PLA2G4D: variants seen among roughly 807,000 people sequenced by gnomAD.
The protein encoded by PLA2G4D is cytosolic phospholipase A2 delta.
A neutral mutation model predicts 94.4 loss-of-function variants in PLA2G4D; 80 were observed. That is an observed-to-expected ratio of 0.85 (90% CI 0.71 to 1.02). PLA2G4D has a LOEUF of 1.02. Among genes scored for constraint, PLA2G4D ranks in the 50% least tolerant of loss-of-function variants. The pLI, the probability that PLA2G4D is intolerant of heterozygous loss-of-function variation, is 0.00. For missense variants in PLA2G4D, 1,050 were observed against 1,034.7 expected (o/e 1.01, Z -0.20); for synonymous variants, 438 against 440.9 (o/e 0.99, Z 0.08).
Position 42,068,653 on chromosome 15 carries a change from G to A in PLA2G4D, c.*62C>T, listed in dbSNP as rs781763935. 5.4e-6 allele frequency: 8 copies of A among 1,482,738 alleles called. No individual in the cohort carries two copies. The highest frequency in any genetic ancestry group is 7.3e-6 in the Non-Finnish European group (8 of 1,094,586). The allele number at this position is 1,482,738 out of a possible 1,614,324, so 91.8% of individuals were successfully genotyped here. Reference sequence around the variant, plus strand: ...TCCAACCAGGAAGGCCTGTGGCTGAGCCCAGCTACAGATCAGGTTATGCCC... The same window carrying A: ...TCCAACCAGGAAGGCCTGTGGCTGAACCCAGCTACAGATCAGGTTATGCCC... On this transcript the variant is annotated 3_prime_UTR_variant, in exon 20 of 20. Coordinates refer to ENST00000290472, the MANE Select transcript of PLA2G4D (RefSeq NM_178034.4).
intron 2 of PLA2G4D, 54 bp from the exon 3 acceptor site, chr15:42,087,490 T>A: frequency 6.2e-7 from 1 of 1,611,694 alleles, no homozygotes; most frequent in Non-Finnish European, 8.5e-7. Flanking sequence ...CCCCTCTCCA[T>A]GAGCCATGCC....
chr15:42,093,955 A>G (rs755353537), intron 1 of PLA2G4D, among the ~76,000 whole-genome samples: 11 of 152,122 alleles, frequency 7.2e-5, no homozygotes, highest in Non-Finnish European at 1.5e-4. Flanking sequence ...CTTGGCCTGG[A>G]TGCAGCCCCA....
intron 10 of PLA2G4D, 46 bp downstream of exon 10, chr15:42,081,751 T>C: frequency 6.2e-7 from 1 of 1,613,978 alleles, no homozygotes; most frequent in Non-Finnish European, 8.5e-7. Flanking sequence ...CCTCCCCTCC[T>C]GCATGCCCGC....
rs141982061 is a variant in PLA2G4D, at chr15:42,081,819, G to T, written c.799C>A (p.Leu267Met). The change falls in exon 10 of 20, where the codon CTG (leucine) becomes ATG (methionine). Residue 267 changes from leucine (L) to methionine (M), a missense_variant. Physicochemically the swap from Leu to Met is conservative, Grantham distance 15. Transcript: ENST00000290472. ...VPAPNAPGVR[L>M]QLKAEGCPEE... ...TACCAGCCCTCTGCCTTGAGCTGCA[G>T]CCTCACTCCTGGGGCCTGAAATCAA... The T allele has an allele frequency of 3.1e-6, 5 of 1,613,870 alleles. No homozygotes were observed. The highest frequency in any genetic ancestry group is 4.2e-6 in the Non-Finnish European group (5 of 1,179,998).
chr15:42,075,124 A>G (rs927790762), intron 13 of PLA2G4D, among the ~76,000 whole-genome samples: 2 of 152,182 alleles, frequency 1.3e-5, no homozygotes, highest in Non-Finnish European at 2.9e-5. Context: ...GGGTCTCACT[A>G]TGTTGTCCAG....
rs605253 is a variant in PLA2G4D, at chr15:42,085,546, C to G, written c.388-15G>C. 0.77 allele frequency: 1,234,293 copies of G among 1,611,846 alleles called. 475,299 individuals are homozygous for G. The highest frequency in any genetic ancestry group is 0.79 in the Admixed American group (47,267 of 60,000). On this transcript the variant is annotated splice_polypyrimidine_tract_variant and intron_variant, in intron 4 of 19. Coordinates refer to ENST00000290472, the MANE Select transcript of PLA2G4D (RefSeq NM_178034.4). The stretch of plus-strand genomic sequence containing the variant: ...TCCTCCTCTCCCTGAAATCAGAGAG[C>G]ATGAGCAAGTCATCAGCACATACCT...
At chr15:42,081,369 A>G (rs1890035198) in intron 11 of PLA2G4D, 110 bp downstream of exon 11, 1 of 1,508,278 alleles carries the variant, frequency 6.6e-7, no homozygotes. Context: ...ATGTCTCCAC[A>G]CACATGCCCA....
chr15:42,068,990 C>T (rs778483709), intron 19 of PLA2G4D, 49 bp from the exon 20 acceptor site: 9 of 1,523,908 alleles, frequency 5.9e-6, no homozygotes, highest in East Asian at 4.8e-5. Context: ...GGGGCTTCTA[C>T]AGCCTGGCAG....
Position 42,069,956 on chromosome 15 carries a change from A to G in PLA2G4D, c.2183T>C (p.Leu728Pro), listed in dbSNP as rs1889769151. 1 of 1,461,758 alleles carries G rather than the reference A, an allele frequency of 6.8e-7. No individual in the cohort carries two copies. Among genetic ancestry groups the G allele is most frequent in the Non-Finnish European group, 9.0e-7 (1 of 1,109,978 alleles). 90.5% of individuals were successfully genotyped at this position (1,461,758 alleles called of 1,614,324 possible). The change falls in exon 19 of 20, where the codon CTG becomes CCG. Residue 728 changes from leucine (L) to proline (P), a missense_variant. Coordinates refer to ENST00000290472, the MANE Select transcript of PLA2G4D (RefSeq NM_178034.4). Reference protein sequence around the residue: ...DPACPEAPILLHFPLVNASFK... With the variant: ...DPACPEAPILPHFPLVNASFK... The stretch of plus-strand genomic sequence containing the variant: ...GGAGGCATTGACCAGCGGGAAGTGC[A>G]GCAGGATCGGGGCCTCGGGGCAGGC...
In PLA2G4D at chr15:42,083,330, C is replaced by T. The variant is rs369249080; in HGVS notation, c.540G>A (p.Gln180=). The T allele has an allele frequency of 1.1e-5, 18 of 1,613,134 alleles. No individual in the cohort carries two copies. The African/African-American group carries it at 2.3e-4, about 20-fold the overall frequency. The part of the protein sequence containing the change: ...STGSTAVVAD[Q]DKLELELVLK... ...GCACCAGCTCCAGCTCCAGCTTGTC[C>T]TGATCTAGGGAGAGAGTAGGCGGGT... Residue 180 remains glutamine, a synonymous_variant, in exon 8 of 20, where the codon CAG becomes CAA. Coordinates refer to ENST00000290472, the MANE Select transcript of PLA2G4D (RefSeq NM_178034.4).
In PLA2G4D at chr15:42,072,235, G is replaced by C. The variant is rs533139279; in HGVS notation, c.1435+40C>G. 33 of 1,530,814 alleles carry C rather than the reference G, an allele frequency of 2.2e-5. No homozygotes were observed. The East Asian group carries it at 6.3e-4, about 29-fold the overall frequency. The allele number at this position is 1,530,814 out of a possible 1,614,324, so 94.8% of individuals were successfully genotyped here. A position where few individuals can be genotyped will look rare whatever the true frequency, so the allele number is the denominator to read the frequency against. On this transcript the variant is annotated intron_variant, in intron 14 of 19. Coordinates refer to ENST00000290472, the MANE Select transcript of PLA2G4D (RefSeq NM_178034.4). ...GGGCTGTCGGGGTGCAGAGGGTTTG[G>C]GGGGTGGAGTATGTGGGAGGGGAGT...
In PLA2G4D at chr15:42,086,194, T is replaced by TGGGGGGGGGGCCGC; in HGVS notation, c.387+18_387+19insGCGGCCCCCCCCCC. 2 of 1,370,440 alleles carry TGGGGGGGGGGCCGC rather than the reference T, an allele frequency of 1.5e-6. No homozygotes were observed. The highest frequency in any genetic ancestry group is 1.9e-6 in the Non-Finnish European group (2 of 1,043,080). 84.9% of individuals were successfully genotyped at this position (1,370,440 alleles called of 1,614,324 possible). ...GGAAGAAGTGGGGCCCACGGGGACT[T>TGGGGGGGGGGCCGC]CCCCACCCACCCACCCACCTGGGGA... On this transcript the variant is annotated intron_variant, in intron 4 of 19. Coordinates refer to ENST00000290472, the MANE Select transcript of PLA2G4D (RefSeq NM_178034.4).
rs573863577 is a variant in PLA2G4D at position 42,069,913 on chromosome 15, G to C, written c.2226C>G (p.Ala742=). The change falls in exon 19 of 20, where the codon GCC becomes GCG. Residue 742 remains alanine (A), a synonymous_variant. Coordinates refer to ENST00000290472, the MANE Select transcript of PLA2G4D (RefSeq NM_178034.4). Reference sequence around the variant, plus strand: ...GCTTGGGAGGGGCTGCCTCACCGGGGGCTGAGTGGTCCTTGAAGGAGGCAT... The same window carrying C: ...GCTTGGGAGGGGCTGCCTCACCGGGCGCTGAGTGGTCCTTGAAGGAGGCAT... ...LVNASFKDHS[A]PGVQRSPAEL... is the part of the protein sequence containing the mutation. 403 of 1,420,854 alleles carry C rather than the reference G, an allele frequency of 2.8e-4. 5 individuals are homozygous for C. In the South Asian group the frequency reaches 6.0e-3, roughly 21 times the overall value. 88.0% of individuals were successfully genotyped at this position (1,420,854 alleles called of 1,614,324 possible).
At chr15:42,087,480 C>T (rs1356475636) in intron 2 of PLA2G4D, 44 bp from the exon 3 acceptor site, 8 of 1,612,896 alleles carry the variant, frequency 5.0e-6, no homozygotes, top group African/African-American at 4.0e-5. Context: ...ACTCCCCACA[C>T]CCCTCTCCAT....
intron 13 of PLA2G4D, among the ~76,000 whole-genome samples, chr15:42,078,229 G>A (rs1176471769): frequency 6.6e-6 from 1 of 152,182 alleles, no homozygotes; most frequent in Admixed American, 6.5e-5. Flanking sequence ...CTTCCTGGGG[G>A]ACACCAAGAA....
chr15:42,069,031 G>A, intron 19 of PLA2G4D, 90 bp from the exon 20 acceptor site: 3 of 1,170,998 alleles, frequency 2.6e-6, no homozygotes, highest in South Asian at 1.4e-5. Flanking sequence ...CCCCGCTGGA[G>A]GGGCCCCTGC....
chr15:42,082,214 G>A lies in PLA2G4D; in HGVS notation c.783+65C>T. ...CCCAAAGTGCTGGGATTACAGGCTT[G>A]AGCCACAGAGCCCAGCCTTATCTTC... On this transcript the variant is annotated intron_variant, in intron 9 of 19. Coordinates refer to ENST00000290472, the MANE Select transcript of PLA2G4D (RefSeq NM_178034.4). 5.0e-6 allele frequency: 7 copies of A among 1,390,682 alleles called. No homozygotes were observed. In the South Asian group the frequency reaches 8.4e-5, roughly 17 times the overall value. 86.1% of individuals were successfully genotyped at this position (1,390,682 alleles called of 1,614,324 possible).
At position 42,086,157 on chromosome 15, in the gene PLA2G4D, C is replaced by T; in HGVS notation, c.387+56G>A. 6.6e-6 allele frequency: 10 copies of T among 1,510,942 alleles called. No individual in the cohort carries two copies. In the South Asian group the frequency reaches 1.1e-4, roughly 17 times the overall value. The allele number at this position is 1,510,942 out of a possible 1,614,324, so 93.6% of individuals were successfully genotyped here. A position where few individuals can be genotyped will look rare whatever the true frequency, so the allele number is the denominator to read the frequency against. ...CAGGTGGGAGAAATAGCTACTTCCT[C>T]AGCTTGGAGTTGGAAGAAGTGGGGC... On this transcript the variant is annotated intron_variant, in intron 4 of 19. Transcript: ENST00000290472.
In PLA2G4D at chr15:42,071,131, G is replaced by C; in HGVS notation, c.1868C>G (p.Thr623Ser). 4 of 1,610,992 alleles carry C rather than the reference G, an allele frequency of 2.5e-6. No homozygotes were observed. The highest frequency in any genetic ancestry group is 1.7e-4 in the Middle Eastern group (1 of 5,950). The change falls in exon 17 of 20, where the codon ACC (threonine) becomes AGC (serine). Residue 623 changes from threonine to serine, a missense_variant. Physicochemically the swap from Thr to Ser is moderately conservative, Grantham distance 58. Coordinates refer to ENST00000290472, the MANE Select transcript of PLA2G4D (RefSeq NM_178034.4). ...CTGGCCACGGCCCTGACCTGCCCAG[G>C]TGGAGAAGTCTTTGTGGCTACAGTA... ...QDYCSHKDFS[T>S]WADYQLDSMP...
Sources: allele counts gnomAD v4.1 joint callset (sites outside exome capture counted in the v4.1 genomes callset), GRCh38; gene constraint gnomAD v4.1.1; transcripts MANE v1.5; gene names NCBI Gene and HGNC (gene_info 2026-07-23, HGNC 2026-07-21).